The following ANKRD55 variants were observed in gnomAD, a reference collection of about 807,000 sequenced individuals.
The protein encoded by ANKRD55 is ankyrin repeat domain-containing protein 55.
ANKRD55 carries 41 observed loss-of-function variants against 60.6 expected under a neutral mutation model. The observed-to-expected ratio is 0.68, with a 90% confidence interval of 0.53 to 0.88. The LOEUF (loss-of-function observed/expected upper bound fraction) is 0.88, where lower values mean the gene tolerates loss of function less well. Among genes scored for constraint, ANKRD55 ranks in the 40% least tolerant of loss-of-function variants. The pLI, the probability that ANKRD55 is intolerant of heterozygous loss-of-function variation, is 0.00. For missense variants in ANKRD55, 732 were observed against 767.6 expected (o/e 0.95, Z 0.55); for synonymous variants, 264 against 290.3 (o/e 0.91, Z 0.92).
In ANKRD55 at chr5:56,219,854, G is replaced by T. The variant is rs148386397; in HGVS notation, c.58+13002C>A. ...AAAAAACAGCTACAAGCTTATTGTA[G>T]TTTCTTTTAGATTCCATATCCATTT... On this transcript the variant is annotated intron_variant, in intron 2 of 11. Transcript: ENST00000341048. 9.3e-4 allele frequency among the ~76,000 whole-genome samples: 142 copies of T among 152,300 alleles called. 3 individuals are homozygous for T. The Middle Eastern group carries it at 0.027, about 29-fold the overall frequency.
intron 5 of ANKRD55, among the ~76,000 whole-genome samples, chr5:56,169,981 G>A (rs1758570294): frequency 6.6e-6 from 1 of 152,194 alleles, no homozygotes; most frequent in African/African-American, 2.4e-5. Flanking sequence ...CCTTGGTATG[G>A]ACAAAACCTT....
At chr5:56,163,517 C>A (rs1226669305) in intron 5 of ANKRD55, among the ~76,000 whole-genome samples, 1 of 152,070 alleles carries the variant, frequency 6.6e-6, no homozygotes, top group Non-Finnish European at 1.5e-5. Flanking sequence ...ATGTAAGACC[C>A]ATCTCATCTC....
In ANKRD55 at chr5:56,111,631, C is replaced by T. The variant is rs1369906567; in HGVS notation, c.1117G>A (p.Glu373Lys). ...KDPSRDRYRE[E>K]DTSEVNDIIT... ...ATGTCATTGACTTCTGAGGTGTCCT[C>T]CTCTCTGTATCGGTCCCTGCTGGGA... The change falls in exon 10 of 12, where the codon GAG becomes AAG. Residue 373 changes from glutamate to lysine, a missense_variant. This residue lies in a region of ANKRD55 where 597 missense variants were observed against 607.5 expected (regional missense o/e 0.98). Transcript: ENST00000341048. The T allele has an allele frequency of 4.5e-6, 7 of 1,569,686 alleles. No individual in the cohort carries two copies. The highest frequency in any genetic ancestry group is 1.4e-5 in the African/African-American group (1 of 73,174).
intron 2 of ANKRD55, among the ~76,000 whole-genome samples, chr5:56,211,208 C>T (rs969988827): frequency 6.6e-6 from 1 of 152,222 alleles, no homozygotes; most frequent in Non-Finnish European, 1.5e-5. Flanking sequence ...TACACGATTA[C>T]TTCCACAGAA....
chr5:56,109,861 A>G (rs1756620703), intron 10 of ANKRD55, among the ~76,000 whole-genome samples: 1 of 152,138 alleles, frequency 6.6e-6, no homozygotes, highest in Non-Finnish European at 1.5e-5. Context: ...TACTAAAAAT[A>G]CAAAGAATTA....
chr5:56,143,850 G>T lies in ANKRD55; in HGVS notation c.563C>A (p.Pro188His). 6.2e-7 allele frequency: 1 copy of T among 1,614,144 alleles called. No homozygotes were observed. Among genetic ancestry groups the T allele is most frequent in the Non-Finnish European group, 8.5e-7 (1 of 1,180,026 alleles). The change falls in exon 7 of 12, where the codon CCC (proline) becomes CAC (histidine). Residue 188 changes from proline to histidine, a missense_variant. By Grantham distance (77) the Pro-to-His change is moderately conservative. Coordinates refer to ENST00000341048, the MANE Select transcript of ANKRD55 (RefSeq NM_024669.3). ...TQMLLKKGAD[P>H]TLVDKDFKTA... ...TTTAAAGTCTTTATCCACAAGGGTGGGGTCTGCCCCCTTCTTCAGCAGCAT... is the reference window on the plus strand; with the variant it reads ...TTTAAAGTCTTTATCCACAAGGGTGTGGTCTGCCCCCTTCTTCAGCAGCAT...
At chr5:56,125,213 G>A (rs1757206355) in intron 8 of ANKRD55, among the ~76,000 whole-genome samples, 1 of 151,688 alleles carries the variant, frequency 6.6e-6, no homozygotes, top group Non-Finnish European at 1.5e-5. Flanking sequence ...TGTAGCTTAT[G>A]TTCTTCTACT....
At chr5:56,180,375 C>T (rs2111828066) in intron 3 of ANKRD55, among the ~76,000 whole-genome samples, 2 of 152,300 alleles carry the variant, frequency 1.3e-5, no homozygotes, top group South Asian at 4.1e-4. Flanking sequence ...TATTCTTTTT[C>T]AAAATTGTTT....
At chr5:56,163,537 T>G (rs159547) in intron 5 of ANKRD55, among the ~76,000 whole-genome samples, 110,044 of 151,964 alleles carry the variant, frequency 0.72, 40,881 homozygotes, top group African/African-American at 0.89. Flanking sequence ...CAGGTGCCAG[T>G]ACAGCAGGCT....
intron 6 of ANKRD55, among the ~76,000 whole-genome samples, chr5:56,157,936 T>C (rs575998233): frequency 1.3e-5 from 2 of 152,166 alleles, no homozygotes; most frequent in South Asian, 4.1e-4. Flanking sequence ...CGAGAAACGT[T>C]CACAGGTATG....
At chr5:56,129,963 G>A (rs1482922048) in intron 7 of ANKRD55, among the ~76,000 whole-genome samples, 1 of 152,206 alleles carries the variant, frequency 6.6e-6, no homozygotes. Context: ...GGAACATCTA[G>A]AGTCTATTCC....
In ANKRD55 at chr5:56,162,083, G is replaced by A. The variant is rs1758346612; in HGVS notation, c.423-2190C>T. The A allele has an allele frequency of 4.1e-6, 4 of 980,822 alleles. No homozygotes were observed. The African/African-American group carries it at 5.3e-5, about 13-fold the overall frequency. 60.8% of individuals were successfully genotyped at this position (980,822 alleles called of 1,614,324 possible). On this transcript the variant is annotated intron_variant, in intron 5 of 11. Coordinates refer to ENST00000341048, the MANE Select transcript of ANKRD55 (RefSeq NM_024669.3). ...GGCCCATTTGGTCTGAGGGACTGGG[G>A]GAGGAGGGAAGGGCAAGGCAGGAGG...
chr5:56,124,753 G>A (rs747984559), intron 8 of ANKRD55, among the ~76,000 whole-genome samples: 1 of 152,182 alleles, frequency 6.6e-6, no homozygotes, highest in South Asian at 2.1e-4. Context: ...TGATCTACCT[G>A]CCTCAGCCTC....
chr5:56,123,854 T>G (rs77912091), intron 8 of ANKRD55, among the ~76,000 whole-genome samples: 3,396 of 152,266 alleles, frequency 0.022, 163 homozygotes, highest in African/African-American at 0.077. Context: ...TTGTCTAAAC[T>G]TTAGCTCCTT....
At chr5:56,176,124 C>T (rs774599441) in intron 4 of ANKRD55, 28 bp downstream of exon 4, 5 of 1,613,876 alleles carry the variant, frequency 3.1e-6, no homozygotes, top group East Asian at 2.2e-5. Flanking sequence ...CCTGCTCCTT[C>T]CACCCTGTGA....
chr5:56,181,689 A>G (rs1758852111), intron 3 of ANKRD55, among the ~76,000 whole-genome samples: 1 of 152,162 alleles, frequency 6.6e-6, no homozygotes, highest in African/African-American at 2.4e-5. Context: ...CTCCCGGTTC[A>G]AGCAATTCTC....
intron 5 of ANKRD55, among the ~76,000 whole-genome samples, chr5:56,162,346 T>C (rs867040853): frequency 6.6e-6 from 1 of 152,198 alleles, no homozygotes; most frequent in African/African-American, 2.4e-5. Flanking sequence ...TGAGGCTGAC[T>C]TCTAGGGACC....
chr5:56,144,555 G>A (rs1458850181), intron 6 of ANKRD55, among the ~76,000 whole-genome samples: 1 of 152,152 alleles, frequency 6.6e-6, no homozygotes, highest in African/African-American at 2.4e-5. Context: ...GGGAGGCAGG[G>A]GCTGATCCTG....
chr5:56,209,009 A>T (rs1759589790), intron 2 of ANKRD55, among the ~76,000 whole-genome samples: 1 of 150,714 alleles, frequency 6.6e-6, no homozygotes, highest in Non-Finnish European at 1.5e-5. Context: ...CCAGGCTGGA[A>T]TGCAGTGGTG....
Sources: allele counts gnomAD v4.1 joint callset (sites outside exome capture counted in the v4.1 genomes callset), GRCh38; gene constraint gnomAD v4.1.1; regional missense constraint gnomAD v4.1.1; transcripts MANE v1.5; gene names NCBI Gene and HGNC (gene_info 2026-07-23, HGNC 2026-07-21).